The following PRKD2 variants were observed in gnomAD, a reference collection of about 807,000 sequenced individuals.
The protein encoded by PRKD2 is serine/threonine-protein kinase D2.
A neutral mutation model predicts 86.0 loss-of-function variants in PRKD2; 22 were observed. The observed-to-expected ratio is 0.26, with a 90% CI of 0.18 to 0.37. The LOEUF (loss-of-function observed/expected upper bound fraction) is 0.37, where lower values mean the gene tolerates loss of function less well. PRKD2 is among the 10% of genes least tolerant of loss of function. The pLI, the probability that PRKD2 is intolerant of heterozygous loss-of-function variation, is 1.00. For missense variants in PRKD2, 818 were observed against 1,199.2 expected, an observed-to-expected ratio of 0.68 and a Z score of 4.70; for synonymous variants, 509 against 510.9, an observed-to-expected ratio of 1.00 and a Z score of 0.05.
At position 46,681,753 on chromosome 19, in the gene PRKD2, G is replaced by A. The variant is rs1245843470; in HGVS notation, c.1972-5C>T. On this transcript the variant is annotated splice_region_variant and splice_polypyrimidine_tract_variant and intron_variant, in intron 14 of 17. Coordinates refer to ENST00000291281, the MANE Select transcript of PRKD2 (RefSeq NM_016457.5). ...GTGTCTCAAAGCCACCAGGATCTGA[G>A]GGGAGCAGATGGGCCCAGTAAGAAA... The A allele has an allele frequency of 6.2e-7, 1 of 1,602,610 alleles. No homozygotes were observed. The highest frequency in any genetic ancestry group is 2.2e-5 in the East Asian group (1 of 44,822).
At chr19:46,689,751 C>A in intron 13 of PRKD2, 53 bp from the exon 14 acceptor site, 3 of 1,602,160 alleles carry the variant, frequency 1.9e-6, no homozygotes, top group Non-Finnish European at 2.6e-6. Flanking sequence ...ACTCAGACCC[C>A]AACGGGTCAG....
chr19:46,716,614 T>G lies in PRKD2; in HGVS notation c.-244A>C. ...CCCAGAAGATCAGAAAGGAGAAAAG[T>G]AGTGGGTTGGAGGTCCCAGCGATTG... On this transcript the variant is annotated 5_prime_UTR_variant, in exon 1 of 18. Transcript: ENST00000291281. This position sits in a 1 kb window ranked among gnomAD's most constrained non-coding sequence, Gnocchi z 7.9. The G allele has an allele frequency of 5.5e-6, 2 of 366,892 alleles. No homozygotes were observed. Among genetic ancestry groups the G allele is most frequent in the Non-Finnish European group, 9.7e-6 (2 of 206,202 alleles). The allele number at this position is 366,892 out of a possible 1,614,324, so 22.7% of individuals were successfully genotyped here. A position where few individuals can be genotyped will look rare whatever the true frequency, so the allele number is the denominator to read the frequency against.
intron 5 of PRKD2, among the ~76,000 whole-genome samples, chr19:46,702,788 A>G (rs1192028541): frequency 6.6e-6 from 1 of 152,050 alleles, no homozygotes; most frequent in Non-Finnish European, 1.5e-5. Flanking sequence ...CCTGGGCTCA[A>G]GCAATCCTCC....
chr19:46,704,759 C>T, intron 3 of PRKD2, 110 bp from the exon 4 acceptor site: 1 of 1,362,340 alleles, frequency 7.3e-7, no homozygotes, highest in Non-Finnish European at 9.8e-7. Flanking sequence ...GTCCCATCAC[C>T]CCCCGCCAGC....
rs959415460 is a variant in PRKD2 at position 46,674,414 on chromosome 19, C to T, written c.*109G>A. 3 of 1,215,058 alleles carry T rather than the reference C, an allele frequency of 2.5e-6. No individual in the cohort carries two copies. The highest frequency in any genetic ancestry group is 2.6e-5 in the Admixed American group (1 of 38,600). 75.3% of individuals were successfully genotyped at this position (1,215,058 alleles called of 1,614,324 possible). On this transcript the variant is annotated 3_prime_UTR_variant, in exon 18 of 18. Transcript: ENST00000291281. ...ATAGCTCCCCCCACCCCACTCCCCA[C>T]GTGTCCCATCCAGTTTGGGCAGGAA...
In PRKD2 at chr19:46,700,705, G is replaced by A. The variant is rs2053622875; in HGVS notation, c.1121+94C>T. On this transcript the variant is annotated intron_variant, in intron 7 of 17. Transcript: ENST00000291281. ...AGGAACTGGGAAAATTTATAAATAT[G>A]AGGTGATGTCAGCCCATTGTAGAGA... 2.8e-6 allele frequency: 4 copies of A among 1,446,332 alleles called. No individual in the cohort carries two copies. In the East Asian group the frequency reaches 9.3e-5, roughly 34 times the overall value. The allele number at this position is 1,446,332 out of a possible 1,614,324, so 89.6% of individuals were successfully genotyped here.
At chr19:46,704,050 C>G (rs2053675336) in intron 5 of PRKD2, 119 bp downstream of exon 5, 1 of 1,442,428 alleles carries the variant, frequency 6.9e-7, no homozygotes, top group Non-Finnish European at 9.3e-7. Flanking sequence ...GATTCAGGGC[C>G]CTCCCCTTCT....
At position 46,694,002 on chromosome 19, in the gene PRKD2, G is replaced by A. The variant is rs200398508; in HGVS notation, c.1449C>T (p.Gly483=). The change falls in exon 10 of 18, where the codon GGC becomes GGT. Residue 483 remains glycine (G), a synonymous_variant. Coordinates refer to ENST00000291281, the MANE Select transcript of PRKD2 (RefSeq NM_016457.5). ...NATYFVGEMP[G]GTPGGPSGQG... The stretch of plus-strand genomic sequence containing the variant: ...GCCCACTTGGCCCACCCGGAGTCCC[G>A]CCAGGCATCTCGCCCACGAAGTAGG... The A allele has an allele frequency of 5.6e-6, 9 of 1,613,836 alleles. No individual in the cohort carries two copies. Among genetic ancestry groups the A allele is most frequent in the Admixed American group, 1.7e-5 (1 of 60,028 alleles).
intron 3 of PRKD2, among the ~76,000 whole-genome samples, chr19:46,708,308 CTTTTTTTT>C (rs61231695): frequency 1.4e-3 from 115 of 82,188 alleles, no homozygotes; most frequent in Non-Finnish European, 2.1e-3. Context: ...GACTGGTGAC[CTTTTTTTT>C]TTTTTTTTTT....
At chr19:46,679,822 A>G (rs777347344) in intron 15 of PRKD2, among the ~76,000 whole-genome samples, 3 of 151,924 alleles carry the variant, frequency 2.0e-5, no homozygotes, top group Non-Finnish European at 2.9e-5. Context: ...ACGACATTTC[A>G]CCACATCAGC....
chr19:46,686,069 GT>G, intron 14 of PRKD2: 1 of 152,316 alleles, frequency 6.6e-6, no homozygotes, highest in Non-Finnish European at 1.5e-5. Flanking sequence ...CTGGGCCAGG[GT>G]AAAGGGAACA....
rs752943052 is a variant in PRKD2, at chr19:46,697,176, G to A, written c.1298C>T (p.Thr433Met). 7.6e-6 allele frequency: 12 copies of A among 1,588,930 alleles called. No homozygotes were observed. In the South Asian group the frequency reaches 8.8e-5, roughly 12 times the overall value. ...GCTTACCTTATAGTATCTGTTGGTC[G>A]TGTTGTTCTGGAAGAGCGTGATACA... is the stretch of plus-strand genomic sequence containing the variant. ...CKCITLFQNNTTNRYYKEIPL... is the reference protein window; with the variant it reads ...CKCITLFQNNMTNRYYKEIPL... The change falls in exon 9 of 18, where the codon ACG becomes ATG. Residue 433 changes from threonine to methionine, a missense_variant. Physicochemically the swap from Thr to Met is moderately conservative, Grantham distance 81. Coordinates refer to ENST00000291281, the MANE Select transcript of PRKD2 (RefSeq NM_016457.5).
At chr19:46,692,315 C>A (rs1474972873) in intron 10 of PRKD2, among the ~76,000 whole-genome samples, 2 of 152,118 alleles carry the variant, frequency 1.3e-5, no homozygotes, top group Non-Finnish European at 2.9e-5. Context: ...CCCCATTGTA[C>A]AGAGAAGGAA....
At chr19:46,702,686 A>AT (rs201090562) in intron 5 of PRKD2, among the ~76,000 whole-genome samples, 23,041 of 147,948 alleles carry the variant, frequency 0.16, 1,785 homozygotes, top group East Asian at 0.2. Context: ...AGGTTCTAGA[A>AT]TTTTTTTTTT....
Position 46,693,918 on chromosome 19 carries a change from G to T in PRKD2, c.1533C>A (p.Val511=). The T allele has an allele frequency of 6.2e-7, 1 of 1,609,766 alleles. No individual in the cohort carries two copies. ...ETAIRQALMP[V]ILQDAPSAPG... is the part of the protein sequence containing the mutation. ...GGGCGCTGGGTGCGTCCTGAAGGAT[G>T]ACGGGCATCAGGGCCTGGCGGATGG... Residue 511 remains valine (V), a synonymous_variant, in exon 10 of 18, where the codon GTC becomes GTA. Transcript: ENST00000291281. This position sits in a 1 kb window ranked among gnomAD's most constrained non-coding sequence, Gnocchi z 4.5.
Position 46,700,936 on chromosome 19 carries a change from C to A in PRKD2, c.984G>T (p.Glu328Asp). 1 of 1,614,238 alleles carries A rather than the reference C, an allele frequency of 6.2e-7. No homozygotes were observed. Among genetic ancestry groups the A allele is most frequent in the Non-Finnish European group, 8.5e-7 (1 of 1,180,042 alleles). ...ALINGDVPME[E>D]ATDFSEADKS... ...TGTCAGCCTCGCTGAAATCGGTGGCCTCCTCCATCGGCACATCTGTGGGGA... is the reference window on the plus strand; with the variant it reads ...TGTCAGCCTCGCTGAAATCGGTGGCATCCTCCATCGGCACATCTGTGGGGA... Residue 328 changes from glutamate to aspartate, a missense_variant, in exon 7 of 18, where the codon GAG (glutamate) becomes GAT (aspartate). By Grantham distance (45) the Glu-to-Asp change is conservative. Transcript: ENST00000291281.
intron 3 of PRKD2, 84 bp downstream of exon 3, chr19:46,710,823 G>T: frequency 7.2e-7 from 1 of 1,384,328 alleles, no homozygotes; most frequent in Non-Finnish European, 9.7e-7. Context: ...TCCTCCCCAC[G>T]CTGTCCCCGT....
intron 14 of PRKD2, among the ~76,000 whole-genome samples, chr19:46,688,051 T>C (rs936810037): frequency 6.6e-6 from 1 of 152,062 alleles, no homozygotes; most frequent in Admixed American, 6.6e-5. Context: ...CTAGGTTTTC[T>C]ATTTTTTTTT....
rs1568732485 is a variant in PRKD2 at position 46,704,230 on chromosome 19, G to A, written c.828C>T (p.Thr276=). ...TFLIHSYTRP[T]VCQACKKLLK... is the part of the protein sequence containing the mutation. ...GGAGTTTCTTGCAAGCCTGGCAAACGGTGGGCCGTGTATAGCTGTGGATGA... is the reference window on the plus strand; with the variant it reads ...GGAGTTTCTTGCAAGCCTGGCAAACAGTGGGCCGTGTATAGCTGTGGATGA... The change falls in exon 5 of 18, where the codon ACC becomes ACT. Residue 276 remains threonine (T), a synonymous_variant. Coordinates refer to ENST00000291281, the MANE Select transcript of PRKD2 (RefSeq NM_016457.5). 3 of 1,614,204 alleles carry A rather than the reference G, an allele frequency of 1.9e-6. No homozygotes were observed. Among genetic ancestry groups the A allele is most frequent in the Middle Eastern group, 1.7e-4 (1 of 6,058 alleles).
Sources: gnomAD v4.1 joint callset for allele counts (sites outside exome capture counted in the v4.1 genomes callset) on GRCh38, gnomAD v4.1.1 for gene constraint, Gnocchi (gnomAD v3.1) non-coding constraint, MANE v1.5 for transcripts, NCBI Gene and HGNC (gene_info 2026-07-23, HGNC 2026-07-21) for gene names.